The following RYR3 variants were observed in gnomAD, a reference collection of about 807,000 sequenced individuals.
The protein encoded by RYR3 is brain ryanodine receptor-calcium release channel.
A neutral mutation model predicts 584.3 loss-of-function variants in RYR3; 207 were observed. The ratio of observed to expected loss-of-function variants is 0.35; its 90% CI spans 0.32 to 0.40. The LOEUF (loss-of-function observed/expected upper bound fraction) is 0.40. Ranked by LOEUF, RYR3 falls within the 10% of genes least tolerant of loss-of-function variation. RYR3 has a pLI of 1.00. For synonymous variants in RYR3, 2,416 were observed against 2,248.5 expected (o/e 1.07, Z -2.11); for missense variants, 5,616 against 6,089.2 (o/e 0.92, Z 2.59).
intron 48 of RYR3, among the ~76,000 whole-genome samples, chr15:33,732,451 A>G (rs1167724408): frequency 2.6e-5 from 4 of 150,950 alleles, no homozygotes; most frequent in Non-Finnish European, 5.9e-5. Flanking sequence ...GAAAGAAAAA[A>G]CCTCCAGTCA....
chr15:33,360,709 A>G (rs1034104446), intron 1 of RYR3, among the ~76,000 whole-genome samples: 4 of 152,250 alleles, frequency 2.6e-5, no homozygotes, highest in Admixed American at 1.3e-4. Context: ...AGGGTCAGTG[A>G]CATTCCCAAG....
rs369048444 is a variant in RYR3 at position 33,838,841 on chromosome 15, G to T, written c.12861G>T (p.Lys4287Asn). Residue 4287 changes from lysine to asparagine, a missense_variant, in exon 89 of 104, where the codon AAG (lysine) becomes AAT (asparagine). Transcript: ENST00000634891. ...IMSDLFGLHP[K>N]KEGSLKHGPE... ...CAGACCTCTTTGGACTCCACCCAAA[G>T]AAAGAGGGCAGCTTAAAGCATGGGC... The T allele has an allele frequency of 1.2e-6, 2 of 1,613,884 alleles. No homozygotes were observed. Among genetic ancestry groups the T allele is most frequent in the African/African-American group, 2.7e-5 (2 of 74,930 alleles).
intron 94 of RYR3, chr15:33,851,837 T>C (rs2079137589): frequency 6.6e-6 from 1 of 152,178 alleles, no homozygotes. Context: ...TCAATTTAAA[T>C]GCAGTGCATA....
chr15:33,387,002 C>T (rs985389040), intron 1 of RYR3, among the ~76,000 whole-genome samples: 2 of 151,822 alleles, frequency 1.3e-5, no homozygotes, highest in Non-Finnish European at 2.9e-5. Flanking sequence ...GGACTACAGG[C>T]GCCCACCACC....
At chr15:33,848,162 C>G (rs984524692) in intron 93 of RYR3, 129 bp from the exon 94 acceptor site, 4 of 1,126,444 alleles carry the variant, frequency 3.6e-6, no homozygotes, top group Non-Finnish European at 5.2e-6. Flanking sequence ...CACAACTAGG[C>G]ACTCTAAGAA....
At chr15:33,338,654 G>T (rs569859483) in intron 1 of RYR3, among the ~76,000 whole-genome samples, 1 of 152,230 alleles carries the variant, frequency 6.6e-6, no homozygotes, top group Non-Finnish European at 1.5e-5. Context: ...GAACCGAAAG[G>T]GGGAGGCAGG....
chr15:33,605,749 TAA>T (rs58749473), intron 18 of RYR3, among the ~76,000 whole-genome samples: 1 of 152,088 alleles, frequency 6.6e-6, no homozygotes, highest in Non-Finnish European at 1.5e-5. Context: ...GCTGAAGAAA[TAA>T]AGTTTCTGTT....
chr15:33,587,790 CT>C (rs1273570138), intron 16 of RYR3, among the ~76,000 whole-genome samples: 1 of 152,086 alleles, frequency 6.6e-6, no homozygotes, highest in African/African-American at 2.4e-5. Context: ...CATTGGATAG[CT>C]TTCATTTTCA....
chr15:33,854,720 A>C (rs769209528), intron 97 of RYR3, 46 bp from the exon 98 acceptor site: 12 of 1,569,298 alleles, frequency 7.6e-6, no homozygotes, highest in Non-Finnish European at 1.0e-5. Context: ...TAATGAGCAC[A>C]CTATGAGGCA....
At chr15:33,605,770 C>T (rs10152694) in intron 18 of RYR3, among the ~76,000 whole-genome samples, 48,036 of 151,984 alleles carry the variant, frequency 0.32, 7,904 homozygotes, top group Middle Eastern at 0.36. Context: ...TTGATGTCCC[C>T]CACCAGGACA....
intron 1 of RYR3, among the ~76,000 whole-genome samples, chr15:33,325,791 C>CTCTTT (rs1421924496): frequency 8.4e-6 from 1 of 119,168 alleles, no homozygotes; most frequent in African/African-American, 3.3e-5. Flanking sequence ...CTTTTCTTTT[C>CTCTTT]TCTTTTCATT....
At chr15:33,457,752 T>C (rs976881040) in intron 1 of RYR3, among the ~76,000 whole-genome samples, 2 of 152,168 alleles carry the variant, frequency 1.3e-5, no homozygotes, top group African/African-American at 4.8e-5. Flanking sequence ...AAGTGATACA[T>C]GTGTGAGGTG....
chr15:33,631,374 G>GACA, intron 23 of RYR3, 81 bp downstream of exon 23: 1 of 888,720 alleles, frequency 1.1e-6, no homozygotes, highest in Non-Finnish European at 1.8e-6. Flanking sequence ...TACCAAGACA[G>GACA]ACAACAGCCC....
chr15:33,381,192 A>G (rs2041165041), intron 1 of RYR3, among the ~76,000 whole-genome samples: 1 of 152,100 alleles, frequency 6.6e-6, no homozygotes, highest in Non-Finnish European at 1.5e-5. Context: ...AATGTTTCCA[A>G]CGCCTTCCTG....
In RYR3 at chr15:33,800,759, T is replaced by C; in HGVS notation, c.9831-11T>C. ...AATTTCAAATGCCTGTTTATTTACTTTTGGACCCAGATCTAACTGGCTGAA... is the reference window on the plus strand; with the variant it reads ...AATTTCAAATGCCTGTTTATTTACTCTTGGACCCAGATCTAACTGGCTGAA... On this transcript the variant is annotated splice_polypyrimidine_tract_variant and intron_variant, in intron 67 of 103. Transcript: ENST00000634891. The C allele has an allele frequency of 1.9e-6, 3 of 1,607,480 alleles. No individual in the cohort carries two copies. Among genetic ancestry groups the C allele is most frequent in the Non-Finnish European group, 2.6e-6 (3 of 1,173,914 alleles).
At chr15:33,464,375 T>A (rs1265946197) in intron 1 of RYR3, among the ~76,000 whole-genome samples, 1 of 148,754 alleles carries the variant, frequency 6.7e-6, no homozygotes, top group Non-Finnish European at 1.5e-5. Context: ...GGATAATGCT[T>A]CAAAAACTTG....
In RYR3 at chr15:33,826,206, T is replaced by G. The variant is rs778670233; in HGVS notation, c.11147-46T>G. ...ACTAAAGACAGTTTATCATGATGTT[T>G]ACAGTTTTCTTACTTTCTATTCTTC... On this transcript the variant is annotated intron_variant, in intron 82 of 103. Transcript: ENST00000634891. 2.5e-6 allele frequency: 4 copies of G among 1,591,032 alleles called. No homozygotes were observed. The African/African-American group carries it at 5.4e-5, about 21-fold the overall frequency.
rs745504722 is a variant in RYR3 at position 33,663,531 on chromosome 15, T to C, written c.5419-6T>C. Reference sequence around the variant, plus strand: ...AAGTGTTATCTATATAATACTTTCATTGCAGATGTGTGAGCTCCTCAGCTA... The same window carrying C: ...AAGTGTTATCTATATAATACTTTCACTGCAGATGTGTGAGCTCCTCAGCTA... On this transcript the variant is annotated splice_region_variant and splice_polypyrimidine_tract_variant and intron_variant, in intron 35 of 103. Transcript: ENST00000634891. 1.9e-5 allele frequency: 30 copies of C among 1,612,832 alleles called. No homozygotes were observed. Among genetic ancestry groups the C allele is most frequent in the Non-Finnish European group, 2.3e-5 (27 of 1,179,352 alleles).
intron 43 of RYR3, among the ~76,000 whole-genome samples, chr15:33,710,266 A>G (rs12592052): frequency 0.08 from 12,168 of 151,976 alleles, 1,051 homozygotes; most frequent in African/African-American, 0.22. Context: ...AGAAGGCAAA[A>G]ATGGACTAGG....
Sources: gnomAD v4.1 joint callset for allele counts (sites outside exome capture counted in the v4.1 genomes callset) on GRCh38, gnomAD v4.1.1 for gene constraint, MANE v1.5 for transcripts, NCBI Gene and HGNC (gene_info 2026-07-23, HGNC 2026-07-21) for gene names.